MALRD1: variants seen among roughly 807,000 people sequenced by gnomAD.
MALRD1 encodes the protein MAM and LDL receptor class A domain containing 1.
A neutral mutation model predicts 242.1 loss-of-function variants in MALRD1; 247 were observed. The observed-to-expected ratio is 1.02, with a 90% CI of 0.92 to 1.13. MALRD1 has a LOEUF of 1.13. MALRD1 is among the 50% of genes most tolerant of loss of function. The pLI is 0.00. For missense variants in MALRD1, 2,989 were observed against 2,533.1 expected, an observed-to-expected ratio of 1.18 and a Z score of -3.86; for synonymous variants, 995 against 866.6, an observed-to-expected ratio of 1.15 and a Z score of -2.60.
intron 32 of MALRD1, among the ~76,000 whole-genome samples, chr10:19,565,266 A>C (rs1836201925): frequency 6.6e-6 from 1 of 152,170 alleles, no homozygotes; most frequent in Non-Finnish European, 1.5e-5. Flanking sequence ...AACGAAAATG[A>C]ATTTGACAAG....
chr10:19,145,274 T>A (rs1833689965), intron 10 of MALRD1, among the ~76,000 whole-genome samples: 1 of 152,136 alleles, frequency 6.6e-6, no homozygotes, highest in Non-Finnish European at 1.5e-5. Context: ...AAACCCCGAC[T>A]TTCTCTAGAA....
At chr10:19,168,762 C>G (rs1170032346) in intron 13 of MALRD1, among the ~76,000 whole-genome samples, 1 of 152,092 alleles carries the variant, frequency 6.6e-6, no homozygotes, top group African/African-American at 2.4e-5. Flanking sequence ...CCTCCCTCTC[C>G]CTTCATCCCC....
At chr10:19,330,524 T>C (rs1338133875) in intron 23 of MALRD1, among the ~76,000 whole-genome samples, 2 of 152,198 alleles carry the variant, frequency 1.3e-5, no homozygotes, top group African/African-American at 2.4e-5. Context: ...ATATTTCTTA[T>C]GTTAACATAT....
chr10:19,062,566 A>T (rs1052400470), intron 1 of MALRD1, among the ~76,000 whole-genome samples: 4 of 151,698 alleles, frequency 2.6e-5, no homozygotes, highest in African/African-American at 9.8e-5. Context: ...ACCAAATTTT[A>T]TATGATATGA....
intron 36 of MALRD1, among the ~76,000 whole-genome samples, chr10:19,633,087 C>T (rs1839979476): frequency 6.6e-6 from 1 of 152,042 alleles, no homozygotes; most frequent in Non-Finnish European, 1.5e-5. Context: ...CAAAAATTAG[C>T]TGAGTGTGGT....
rs553494050 is a variant in MALRD1 at position 19,422,592 on chromosome 10, G to T, written c.4846-27715G>T. Among the ~76,000 whole-genome samples the T allele has an allele frequency of 2.6e-5, 4 of 152,262 alleles. No homozygotes were observed. In the South Asian group the frequency reaches 8.3e-4, roughly 32 times the overall value. ...ATTTAGAGTGAAATTGAACAAATGA[G>T]AATTGCATTTTTATACTTCATGATT... On this transcript the variant is annotated intron_variant, in intron 28 of 39. Coordinates refer to ENST00000454679, the MANE Select transcript of MALRD1 (RefSeq NM_001142308.3).
chr10:19,191,814 A>G lies in MALRD1; in HGVS notation c.1952-11914A>G, dbSNP rs184528294. Among the ~76,000 whole-genome samples, 430 of 152,230 alleles carry G rather than the reference A, an allele frequency of 2.8e-3. 2 individuals carry two copies. The highest frequency in any genetic ancestry group is 9.9e-3 in the African/African-American group (412 of 41,542). On this transcript the variant is annotated intron_variant, in intron 14 of 39. Coordinates refer to ENST00000454679, the MANE Select transcript of MALRD1 (RefSeq NM_001142308.3). ...GGAGTTTGAGACCAGCATGGCCAAC[A>G]TGGTGAAATCCCATCTCTACTAAAA...
intron 26 of MALRD1, among the ~76,000 whole-genome samples, chr10:19,368,495 A>G (rs908078257): frequency 1.1e-4 from 16 of 151,984 alleles, no homozygotes; most frequent in African/African-American, 3.9e-4. Flanking sequence ...TTTTATGCCA[A>G]TACCATGTTG....
intron 24 of MALRD1, among the ~76,000 whole-genome samples, chr10:19,347,327 A>C (rs1490059751): frequency 1.3e-5 from 2 of 152,172 alleles, no homozygotes; most frequent in Non-Finnish European, 2.9e-5. Flanking sequence ...ATTTTCTCTA[A>C]AATAAAGAAC....
intron 26 of MALRD1, among the ~76,000 whole-genome samples, chr10:19,366,170 C>T (rs1326205024): frequency 1.3e-5 from 2 of 151,610 alleles, no homozygotes; most frequent in Non-Finnish European, 2.9e-5. Flanking sequence ...AATAAACATG[C>T]AACTTACCAT....
At chr10:19,077,573 A>G (rs1835354621) in intron 2 of MALRD1, among the ~76,000 whole-genome samples, 1 of 151,992 alleles carries the variant, frequency 6.6e-6, no homozygotes, top group South Asian at 2.1e-4. Flanking sequence ...CTAGAGAGGG[A>G]CAATTTTCAA....
chr10:19,381,505 C>G (rs1845836333), intron 26 of MALRD1, among the ~76,000 whole-genome samples: 1 of 151,874 alleles, frequency 6.6e-6, no homozygotes, highest in Non-Finnish European at 1.5e-5. Flanking sequence ...GTATTGCATT[C>G]TCTATTATTT....
intron 31 of MALRD1, among the ~76,000 whole-genome samples, chr10:19,507,512 CATAATA>C (rs543809429): frequency 4.6e-5 from 7 of 151,610 alleles, no homozygotes; most frequent in African/African-American, 1.5e-4. Context: ...GAAGACAATA[CATAATA>C]ATAATAATAA....
intron 33 of MALRD1, among the ~76,000 whole-genome samples, chr10:19,585,342 A>T (rs1329531750): frequency 1.3e-5 from 2 of 151,846 alleles, no homozygotes; most frequent in African/African-American, 2.4e-5. Flanking sequence ...ACATTTTGGC[A>T]TGATTTTGCA....
In MALRD1 at chr10:19,280,056, C is replaced by A. The variant is rs1372815750; in HGVS notation, c.3089C>A (p.Pro1030Gln). 12 of 1,501,260 alleles carry A rather than the reference C, an allele frequency of 8.0e-6. No homozygotes were observed. The highest frequency in any genetic ancestry group is 9.8e-6 in the Non-Finnish European group (11 of 1,128,198). 93.0% of individuals were successfully genotyped at this position (1,501,260 alleles called of 1,614,324 possible). Residue 1030 changes from proline to glutamine, a missense_variant, in exon 20 of 40, where the codon CCA (proline) becomes CAA (glutamine). Physicochemically the swap from Pro to Gln is moderately conservative, Grantham distance 76. Transcript: ENST00000454679. ...MDCTLYPGNL[P>Q]ADLPTPPETS... ...ATTATTTCTTATCAAGGTAATTTGC[C>A]AGCAGACCTCCCAACTCCACCAGAA...
In MALRD1 at chr10:19,063,915, C is replaced by T. The variant is rs1036316876; in HGVS notation, c.200-2804C>T. On this transcript the variant is annotated intron_variant, in intron 1 of 39. Transcript: ENST00000454679. ...ATATGTAACTAACCTGCACATTGTG[C>T]ACATGTACCCTAAAACTTAAAGTAT... 2.0e-5 allele frequency among the ~76,000 whole-genome samples: 3 copies of T among 151,258 alleles called. No homozygotes were observed. The South Asian group carries it at 6.3e-4, about 32-fold the overall frequency.
At chr10:19,440,204 A>G (rs1001433985) in intron 28 of MALRD1, among the ~76,000 whole-genome samples, 3 of 152,152 alleles carry the variant, frequency 2.0e-5, no homozygotes, top group Non-Finnish European at 4.4e-5. Context: ...TTCTGTTTAT[A>G]TACTAGTTTT....
At chr10:19,376,832 G>C (rs1397275604) in intron 26 of MALRD1, among the ~76,000 whole-genome samples, 1 of 151,982 alleles carries the variant, frequency 6.6e-6, no homozygotes, top group Non-Finnish European at 1.5e-5. Flanking sequence ...GACCACCTCG[G>C]CCTCCCTGAG....
intron 33 of MALRD1, among the ~76,000 whole-genome samples, chr10:19,591,643 C>T (rs1208980199): frequency 6.6e-6 from 1 of 151,932 alleles, no homozygotes; most frequent in Admixed American, 6.6e-5. Context: ...GGATTACGGG[C>T]GTGTGCCACC....
Sources: gnomAD v4.1 joint callset for allele counts (sites outside exome capture counted in the v4.1 genomes callset) on GRCh38, gnomAD v4.1.1 for gene constraint, MANE v1.5 for transcripts, NCBI Gene and HGNC (gene_info 2026-07-23, HGNC 2026-07-21) for gene names.